Variants in DDR2 observed in about 807,000 individuals in gnomAD.
DDR2 encodes the protein discoidin domain-containing receptor 2.
A neutral mutation model predicts 94.9 loss-of-function variants in DDR2; 27 were observed. The observed-to-expected ratio is 0.28, with a 90% CI of 0.21 to 0.39. DDR2 has a LOEUF of 0.39. Among genes scored for constraint, DDR2 ranks in the 10% least tolerant of loss-of-function variants. The pLI is 1.00. For missense variants in DDR2, 783 were observed against 1,076.0 expected, an observed-to-expected ratio of 0.73 and a Z score of 3.81; for synonymous variants, 382 against 377.2, an observed-to-expected ratio of 1.01 and a Z score of -0.15.
intron 2 of DDR2, among the ~76,000 whole-genome samples, chr1:162,682,157 G>C (rs1324131986): frequency 1.3e-5 from 2 of 151,988 alleles, no homozygotes; most frequent in African/African-American, 4.8e-5. Flanking sequence ...GTGGAGGGTG[G>C]GGGTCCATGT....
chr1:162,769,716 C>T (rs1458336670), intron 11 of DDR2, among the ~76,000 whole-genome samples: 1 of 152,190 alleles, frequency 6.6e-6, no homozygotes, highest in Admixed American at 6.5e-5. Flanking sequence ...TGTTCTCCCT[C>T]CCTTATTAGG....
At chr1:162,755,371 T>C in intron 6 of DDR2, 68 bp downstream of exon 6, 2 of 1,588,448 alleles carry the variant, frequency 1.3e-6, no homozygotes, top group South Asian at 2.2e-5. Context: ...ATGAAGGCAA[T>C]CAAATCAGAA....
chr1:162,686,111 C>T (rs566202595), intron 2 of DDR2, among the ~76,000 whole-genome samples: 8 of 152,262 alleles, frequency 5.3e-5, no homozygotes, highest in Admixed American at 3.9e-4. Context: ...CTGCAACCTC[C>T]GCCTCTTGGG....
intron 2 of DDR2, among the ~76,000 whole-genome samples, chr1:162,693,629 G>A (rs1052616031): frequency 1.3e-5 from 2 of 152,190 alleles, no homozygotes; most frequent in African/African-American, 2.4e-5. Context: ...AGTGGTATTA[G>A]GGGATAAGAG....
At chr1:162,712,252 G>C (rs1287898385) in intron 2 of DDR2, among the ~76,000 whole-genome samples, 1 of 149,188 alleles carries the variant, frequency 6.7e-6, no homozygotes, top group African/African-American at 2.5e-5. Context: ...ATTCATTGAA[G>C]TTCTTATAGG....
At chr1:162,649,551 T>C (rs551326262) in intron 1 of DDR2, among the ~76,000 whole-genome samples, 2 of 152,288 alleles carry the variant, frequency 1.3e-5, no homozygotes, top group Middle Eastern at 6.8e-3. Context: ...CAAAAGTCTG[T>C]CTTCATATTC....
At chr1:162,637,505 A>G (rs1208222169) in intron 1 of DDR2, among the ~76,000 whole-genome samples, 2 of 152,090 alleles carry the variant, frequency 1.3e-5, no homozygotes, top group East Asian at 1.9e-4. Context: ...TATTATTACA[A>G]CCTTGTATTA....
intron 1 of DDR2, among the ~76,000 whole-genome samples, chr1:162,641,624 G>A (rs1370295932): frequency 6.6e-6 from 1 of 152,090 alleles, no homozygotes; most frequent in East Asian, 1.9e-4. Flanking sequence ...GTTCTTATTT[G>A]TTGTTGGAAA....
rs77679265 is a variant in DDR2, at chr1:162,700,728, C to T, written c.-27-18309C>T. Among the ~76,000 whole-genome samples, 247 of 152,204 alleles carry T rather than the reference C, an allele frequency of 1.6e-3. 5 individuals carry two copies. In the East Asian group the frequency reaches 0.035, roughly 21 times the overall value. On this transcript the variant is annotated intron_variant, in intron 2 of 17. Coordinates refer to ENST00000367921, the MANE Select transcript of DDR2 (RefSeq NM_006182.4). ...TTACTCTACTATTGGGATTTGGGGT[C>T]ACAGCAAGACTTTGGAAGAGGTATT...
intron 11 of DDR2, among the ~76,000 whole-genome samples, chr1:162,767,800 T>G (rs1385082294): frequency 2.3e-5 from 1 of 44,324 alleles, no homozygotes; most frequent in Admixed American, 2.7e-4. Context: ...ACTTTGCTTG[T>G]CTGTTTGGTG....
intron 2 of DDR2, among the ~76,000 whole-genome samples, chr1:162,666,985 T>C (rs796487839): frequency 8.0e-4 from 121 of 151,302 alleles, no homozygotes; most frequent in African/African-American, 2.8e-3. Context: ...CATGCAACTT[T>C]GGATGGAGAT....
intron 2 of DDR2, among the ~76,000 whole-genome samples, chr1:162,674,439 C>T (rs1659031140): frequency 6.6e-6 from 1 of 152,122 alleles, no homozygotes; most frequent in East Asian, 1.9e-4. Context: ...ATTTGGTACT[C>T]AGTAATATAC....
chr1:162,770,711 A>T, intron 12 of DDR2, 199 bp downstream of exon 12: 2 of 713,778 alleles, frequency 2.8e-6, no homozygotes, highest in Non-Finnish European at 5.2e-6. Flanking sequence ...ACTGAATATA[A>T]GATGTGTGGA....
At chr1:162,700,357 T>A (rs975953436) in intron 2 of DDR2, among the ~76,000 whole-genome samples, 2 of 152,170 alleles carry the variant, frequency 1.3e-5, no homozygotes, top group Non-Finnish European at 2.9e-5. Flanking sequence ...GTGGACCCCA[T>A]GACTATGACC....
chr1:162,772,626 C>T (rs996646703), intron 13 of DDR2, among the ~76,000 whole-genome samples: 6 of 151,910 alleles, frequency 3.9e-5, no homozygotes, highest in Admixed American at 6.6e-5. Flanking sequence ...TGTTTTTTTC[C>T]CCTTTAATGG....
chr1:162,748,349 T>A (rs1401862040), intron 3 of DDR2, among the ~76,000 whole-genome samples: 1 of 152,160 alleles, frequency 6.6e-6, no homozygotes, highest in African/African-American at 2.4e-5. Flanking sequence ...GGGGTTGCAA[T>A]CCTAGTCTCT....
chr1:162,661,633 G>A (rs1658299772), intron 2 of DDR2, among the ~76,000 whole-genome samples: 1 of 152,218 alleles, frequency 6.6e-6, no homozygotes, highest in African/African-American at 2.4e-5. Flanking sequence ...TGGCATGGAG[G>A]CATCTGCTCC....
chr1:162,748,465 T>C (rs1663003420), intron 3 of DDR2, among the ~76,000 whole-genome samples: 1 of 152,190 alleles, frequency 6.6e-6, no homozygotes, highest in African/African-American at 2.4e-5. Flanking sequence ...CCTAAATATA[T>C]ATGCACCCAA....
intron 1 of DDR2, among the ~76,000 whole-genome samples, chr1:162,640,423 T>C (rs1461228407): frequency 1.3e-5 from 2 of 152,150 alleles, no homozygotes; most frequent in African/African-American, 4.8e-5. Flanking sequence ...TCGTGAGGGA[T>C]GTCAATAGTG....
Sources: allele counts gnomAD v4.1 joint callset (sites outside exome capture counted in the v4.1 genomes callset), GRCh38; gene constraint gnomAD v4.1.1; transcripts MANE v1.5; gene names NCBI Gene and HGNC (gene_info 2026-07-23, HGNC 2026-07-21).